The following UGT2A2 variants were observed in gnomAD, a reference collection of about 807,000 sequenced individuals.
UGT2A2 encodes the protein UDP glucuronosyltransferase family 2 member A2, also known as UDP-glucuronosyltransferase 2A2.
UGT2A2 carries 60 observed loss-of-function variants against 50.7 expected under a neutral mutation model. That is an observed-to-expected ratio of 1.18 (90% confidence interval 0.96 to 1.47). The LOEUF (loss-of-function observed/expected upper bound fraction) is 1.47. UGT2A2 is among the 40% of genes most tolerant of loss of function. The probability of loss-of-function intolerance (pLI) is 0.00; values close to 1 mark genes in which losing one functional copy is unlikely to be tolerated. For synonymous variants in UGT2A2, 242 were observed against 214.6 expected (o/e 1.13, Z -1.11); for missense variants, 762 against 634.0 (o/e 1.20, Z -2.17).
rs1721662016 is a variant in UGT2A2 at position 69,635,830 on chromosome 4, A to AAAAAAAAAAAAAAAC, written c.742+3068_742+3069insGTTTTTTTTTTTTTT. On this transcript the variant is annotated intron_variant, in intron 1 of 5. Transcript: ENST00000604629. ...AACAGAGTAAGAGTCCACCTCACCA[A>AAAAAAAAAAAAAAAC]AAAAAAAAAAAAAAAAAAAAGAGAG... 2.2e-5 allele frequency: 2 copies of AAAAAAAAAAAAAAAC among 92,022 alleles called. 1 individual carries two copies. Among genetic ancestry groups the AAAAAAAAAAAAAAAC allele is most frequent in the Non-Finnish European group, 4.9e-5 (2 of 41,126 alleles). 5.7% of individuals were successfully genotyped at this position (92,022 alleles called of 1,614,324 possible).
rs747280466 is a variant in UGT2A2 at position 69,638,896 on chromosome 4, T to C, written c.742+3A>G. On this transcript the variant is annotated splice_donor_region_variant and intron_variant, in intron 1 of 5. Transcript: ENST00000604629. Reference sequence around the variant, plus strand: ...CATTAAAAAGAGAAAATTTTAGACTTACCTAAAATTTTGCTATAGTATGAA... The same window carrying C: ...CATTAAAAAGAGAAAATTTTAGACTCACCTAAAATTTTGCTATAGTATGAA... 19 of 1,567,862 alleles carry C rather than the reference T, an allele frequency of 1.2e-5. No individual in the cohort carries two copies. Among genetic ancestry groups the C allele is most frequent in the Non-Finnish European group, 1.6e-5 (18 of 1,158,054 alleles).
intron 1 of UGT2A2, among the ~76,000 whole-genome samples, chr4:69,621,565 A>G (rs991547142): frequency 1.3e-5 from 2 of 151,870 alleles, no homozygotes; most frequent in African/African-American, 4.8e-5. Context: ...AGGGTAAATT[A>G]GTTCACCCAT....
intron 1 of UGT2A2, among the ~76,000 whole-genome samples, chr4:69,611,054 T>C (rs1188244129): frequency 6.6e-6 from 1 of 152,148 alleles, no homozygotes; most frequent in African/African-American, 2.4e-5. Flanking sequence ...AGCAAAACCA[T>C]TATTTAGCAG....
intron 1 of UGT2A2, chr4:69,635,719 A>G (rs1395699932): frequency 3.7e-6 from 1 of 271,684 alleles, no homozygotes; most frequent in South Asian, 3.0e-5. Flanking sequence ...CCCAACTACA[A>G]TGGAGGCTGA....
intron 1 of UGT2A2, among the ~76,000 whole-genome samples, chr4:69,611,449 A>T (rs1034076322): frequency 3.3e-5 from 5 of 152,034 alleles, no homozygotes; most frequent in African/African-American, 7.3e-5. Flanking sequence ...ATGATAAGAA[A>T]AAAAAACTAA....
chr4:69,589,590 C>T lies in UGT2A2; in HGVS notation c.1393G>A (p.Asp465Asn). Residue 465 changes from aspartate to asparagine, a missense_variant, in exon 6 of 6, where the codon GAT becomes AAT. Physicochemically the swap from Asp to Asn is conservative, Grantham distance 23. Coordinates refer to ENST00000604629, the MANE Select transcript of UGT2A2 (RefSeq NM_001105677.2). Reference protein sequence around the residue: ...IHHDQPVKPLDRAVFWIEFVM... With the variant: ...IHHDQPVKPLNRAVFWIEFVM... ...AACTCGATCCAGAAGACTGCTCGAT[C>T]CAGGGGCTTTACAGGTTGATCATGG... The T allele has an allele frequency of 1.9e-6, 3 of 1,613,972 alleles. No homozygotes were observed. Among genetic ancestry groups the T allele is most frequent in the African/African-American group, 2.7e-5 (2 of 75,018 alleles).
At chr4:69,622,704 T>C (rs1191600221) in intron 1 of UGT2A2, among the ~76,000 whole-genome samples, 1 of 151,798 alleles carries the variant, frequency 6.6e-6, no homozygotes, top group East Asian at 1.9e-4. Context: ...TTCAATTCTA[T>C]ACTTGATGTC....
intron 1 of UGT2A2, among the ~76,000 whole-genome samples, chr4:69,619,377 G>C (rs1341797211): frequency 6.6e-6 from 1 of 151,554 alleles, no homozygotes; most frequent in Non-Finnish European, 1.5e-5. Flanking sequence ...TTCAGCCTGG[G>C]TGACAGAGCA....
At chr4:69,634,565 T>C (rs1577995985) in intron 1 of UGT2A2, among the ~76,000 whole-genome samples, 1 of 152,156 alleles carries the variant, frequency 6.6e-6, no homozygotes, top group Non-Finnish European at 1.5e-5. Context: ...GGCTGTTTTT[T>C]TCTTAAGTTA....
intron 1 of UGT2A2, among the ~76,000 whole-genome samples, chr4:69,626,969 G>A (rs1368364742): frequency 6.6e-6 from 1 of 151,508 alleles, no homozygotes; most frequent in East Asian, 1.9e-4. Flanking sequence ...TGTTTTCGCT[G>A]CCTCAAACTT....
intron 1 of UGT2A2, among the ~76,000 whole-genome samples, chr4:69,621,659 C>T (rs1040408737): frequency 2.5e-4 from 38 of 151,698 alleles, no homozygotes; most frequent in Admixed American, 2.3e-3. Context: ...GGGTATACAC[C>T]GAAAGGAATA....
At chr4:69,607,431 A>G (rs1438822008) in intron 1 of UGT2A2, among the ~76,000 whole-genome samples, 4 of 152,156 alleles carry the variant, frequency 2.6e-5, no homozygotes, top group Middle Eastern at 3.4e-3. Flanking sequence ...AGCTGGATTA[A>G]AGACTTACAT....
At chr4:69,636,453 A>G (rs1721714257) in intron 1 of UGT2A2, among the ~76,000 whole-genome samples, 1 of 152,182 alleles carries the variant, frequency 6.6e-6, no homozygotes, top group South Asian at 2.1e-4. Context: ...AATTATGTTC[A>G]GTAACATGAG....
chr4:69,637,169 A>T (rs1238276976), intron 1 of UGT2A2, among the ~76,000 whole-genome samples: 1 of 152,170 alleles, frequency 6.6e-6, no homozygotes, highest in Non-Finnish European at 1.5e-5. Context: ...AAAAAAAGAA[A>T]CTACGGTTAA....
At chr4:69,597,588 A>C (rs1199523208) in intron 2 of UGT2A2, among the ~76,000 whole-genome samples, 3 of 152,160 alleles carry the variant, frequency 2.0e-5, no homozygotes, top group Non-Finnish European at 4.4e-5. Context: ...GGGGAGGGTG[A>C]TATCTTAAGT....
chr4:69,639,157 T>C lies in UGT2A2; in HGVS notation c.484A>G (p.Thr162Ala), dbSNP rs1310853606. Residue 162 changes from threonine (T) to alanine (A), a missense_variant, in exon 1 of 6, where the codon ACA becomes GCA. Transcript: ENST00000604629. ...GFDVLVADPVTICGDLVALKL... is the reference protein window; with the variant it reads ...GFDVLVADPVAICGDLVALKL... ...AGAGCAACAAGATCACCACAGATTG[T>C]TACTGGGTCTGCTACCAACACATCA... 1 of 1,613,570 alleles carries C rather than the reference T, an allele frequency of 6.2e-7. No homozygotes were observed. The highest frequency in any genetic ancestry group is 1.3e-5 in the African/African-American group (1 of 74,880).
intron 1 of UGT2A2, among the ~76,000 whole-genome samples, chr4:69,630,117 A>C (rs1241827692): frequency 6.6e-6 from 1 of 152,112 alleles, no homozygotes; most frequent in Non-Finnish European, 1.5e-5. Context: ...ATATTAAAAT[A>C]TATAACTAAA....
intron 1 of UGT2A2, among the ~76,000 whole-genome samples, chr4:69,614,666 T>A (rs1044812209): frequency 6.6e-6 from 1 of 152,106 alleles, no homozygotes; most frequent in African/African-American, 2.4e-5. Flanking sequence ...AATAAATCTG[T>A]ACATCTACAG....
chr4:69,629,977 T>C (rs1029086567), intron 1 of UGT2A2, among the ~76,000 whole-genome samples: 1 of 152,110 alleles, frequency 6.6e-6, no homozygotes, highest in Non-Finnish European at 1.5e-5. Flanking sequence ...TTCCTTAATC[T>C]TGAATGTACA....
Sources: gnomAD v4.1 joint callset for allele counts (sites outside exome capture counted in the v4.1 genomes callset) on GRCh38, gnomAD v4.1.1 for gene constraint, MANE v1.5 for transcripts, NCBI Gene and HGNC (gene_info 2026-07-23, HGNC 2026-07-21) for gene names.